The following THSD7A variants were observed in gnomAD, a reference collection of about 807,000 sequenced individuals.
THSD7A encodes the protein thrombospondin type 1 domain containing 7A.
Under a neutral mutation model 231.3 loss-of-function variants are expected in THSD7A, and 96 were observed. The ratio of observed to expected loss-of-function variants is 0.41; its 90% confidence interval spans 0.35 to 0.49. THSD7A has a LOEUF of 0.49. Among genes scored for constraint, THSD7A ranks in the 20% least tolerant of loss-of-function variants. The pLI, the probability that THSD7A is intolerant of heterozygous loss-of-function variation, is 0.05. For synonymous variants in THSD7A, 940 were observed against 743.3 expected, an observed-to-expected ratio of 1.26 and a Z score of -4.30; for missense variants, 2,290 against 2,070.2, an observed-to-expected ratio of 1.11 and a Z score of -2.06.
intron 2 of THSD7A, among the ~76,000 whole-genome samples, chr7:11,599,033 A>G (rs1227887198): frequency 6.6e-6 from 1 of 152,164 alleles, no homozygotes; most frequent in Non-Finnish European, 1.5e-5. Context: ...TCCATAACAG[A>G]GGTAAGGAAA....
At chr7:11,401,626 G>T (rs1453923124) in intron 23 of THSD7A, among the ~76,000 whole-genome samples, 169 bp downstream of exon 23, 2 of 152,090 alleles carry the variant, frequency 1.3e-5, no homozygotes, top group African/African-American at 4.8e-5. Flanking sequence ...GGCCAGGCTG[G>T]TCTCACAACT....
rs545388342 is a variant in THSD7A at position 11,773,106 on chromosome 7, G to A, written c.190+58651C>T. On this transcript the variant is annotated intron_variant, in intron 1 of 27. Transcript: ENST00000423059. ...GTATATAATAAAGGCCCCATCATAT[G>A]TTTGCTTGCAAAGAAAGGATGAATA... Among the ~76,000 whole-genome samples the A allele has an allele frequency of 5.9e-5, 9 of 152,278 alleles. No homozygotes were observed. The East Asian group carries it at 1.7e-3, about 29-fold the overall frequency.
chr7:11,636,151 G>A lies in THSD7A; in HGVS notation c.1001C>T (p.Thr334Met), dbSNP rs372956657. Residue 334 changes from threonine to methionine, a missense_variant, in exon 2 of 28, where the codon ACG becomes ATG. Coordinates refer to ENST00000423059, the MANE Select transcript of THSD7A (RefSeq NM_015204.3). The surrounding 1 kb of genome is among the most constrained non-coding windows in gnomAD (Gnocchi z 10.0). ...QTREVMCINK[T>M]GKAADLSFCQ... ...TTACCTTAAATCAGCAGCTTTCCCC[G>A]TCTTGTTAATGCACATAACCTCTCT... The A allele has an allele frequency of 4.5e-5, 72 of 1,611,498 alleles. No homozygotes were observed. In the African/African-American group the frequency reaches 8.3e-4, roughly 19 times the overall value.
chr7:11,523,140 T>C (rs995319599), intron 6 of THSD7A, among the ~76,000 whole-genome samples: 8 of 152,120 alleles, frequency 5.3e-5, no homozygotes, highest in African/African-American at 1.9e-4. Flanking sequence ...TATATTGCTT[T>C]TGTACTTTGG....
chr7:11,389,869 T>G (rs1026156827), intron 23 of THSD7A, among the ~76,000 whole-genome samples: 1 of 152,230 alleles, frequency 6.6e-6, no homozygotes, highest in Non-Finnish European at 1.5e-5. Flanking sequence ...CTTTCACTTA[T>G]GAAGCTTAGT....
At chr7:11,827,818 T>C (rs540417220) in intron 1 of THSD7A, among the ~76,000 whole-genome samples, 38 of 152,334 alleles carry the variant, frequency 2.5e-4, no homozygotes, top group African/African-American at 8.7e-4. Context: ...CTGAATTAAA[T>C]TGATATTCTT....
At chr7:11,415,966 G>A (rs1583698644) in intron 17 of THSD7A, among the ~76,000 whole-genome samples, 1 of 152,158 alleles carries the variant, frequency 6.6e-6, no homozygotes, top group Non-Finnish European at 1.5e-5. Context: ...CAGTGCTGGA[G>A]TCTCTCTGAA....
intron 1 of THSD7A, among the ~76,000 whole-genome samples, chr7:11,648,272 T>A (rs1192157131): frequency 2.0e-5 from 3 of 152,070 alleles, no homozygotes; most frequent in African/African-American, 7.2e-5. Context: ...GCTGTCCATT[T>A]GCAAGTAGCG....
chr7:11,767,870 G>A (rs867782124), intron 1 of THSD7A, among the ~76,000 whole-genome samples: 16 of 152,272 alleles, frequency 1.1e-4, no homozygotes, highest in African/African-American at 3.4e-4. Flanking sequence ...AAGAGTATCA[G>A]TCAGGGAGAA....
At chr7:11,778,922 T>C (rs1783534496) in intron 1 of THSD7A, among the ~76,000 whole-genome samples, 1 of 152,174 alleles carries the variant, frequency 6.6e-6, no homozygotes, top group Admixed American at 6.5e-5. Flanking sequence ...CACTTTTACA[T>C]ACTTTATCTT....
chr7:11,508,172 G>A (rs1787637119), intron 6 of THSD7A, among the ~76,000 whole-genome samples: 1 of 152,132 alleles, frequency 6.6e-6, no homozygotes, highest in Non-Finnish European at 1.5e-5. Flanking sequence ...CTGGACCCCT[G>A]GAGATTACAA....
At chr7:11,824,413 C>T (rs1784965379) in intron 1 of THSD7A, among the ~76,000 whole-genome samples, 1 of 152,088 alleles carries the variant, frequency 6.6e-6, no homozygotes, top group African/African-American at 2.4e-5. Flanking sequence ...TCACCAATAA[C>T]CTACTCAGAA....
At chr7:11,734,723 A>T (rs1372384187) in intron 1 of THSD7A, among the ~76,000 whole-genome samples, 2 of 151,900 alleles carry the variant, frequency 1.3e-5, no homozygotes, top group East Asian at 1.9e-4. Flanking sequence ...CCTAAAGAAA[A>T]TTTTTTTCCC....
chr7:11,712,101 A>AACT (rs965896587), intron 1 of THSD7A, among the ~76,000 whole-genome samples: 9 of 151,030 alleles, frequency 6.0e-5, no homozygotes, highest in African/African-American at 2.2e-4. Flanking sequence ...AATAGGAAAA[A>AACT]ACTAGACTTC....
chr7:11,742,012 G>A (rs959702135), intron 1 of THSD7A, among the ~76,000 whole-genome samples: 1 of 151,828 alleles, frequency 6.6e-6, no homozygotes, highest in Non-Finnish European at 1.5e-5. Context: ...GGTTACACAA[G>A]GCTTAATTTA....
At chr7:11,651,851 A>AAT (rs1454461309) in intron 1 of THSD7A, among the ~76,000 whole-genome samples, 1 of 151,976 alleles carries the variant, frequency 6.6e-6, no homozygotes, top group African/African-American at 2.4e-5. Flanking sequence ...TACTAGAAAT[A>AAT]ATATATTCTA....
chr7:11,624,037 A>G (rs1040334940), intron 2 of THSD7A, among the ~76,000 whole-genome samples: 3 of 152,174 alleles, frequency 2.0e-5, no homozygotes, highest in Admixed American at 6.5e-5. Flanking sequence ...GCATTTTGCC[A>G]TTTATTTATC....
At chr7:11,757,275 T>C (rs7795628) in intron 1 of THSD7A, among the ~76,000 whole-genome samples, 33,293 of 151,932 alleles carry the variant, frequency 0.22, 5,109 homozygotes, top group African/African-American at 0.44. Flanking sequence ...TGTTTAACCA[T>C]ATTGGTTGGC....
intron 8 of THSD7A, among the ~76,000 whole-genome samples, chr7:11,473,785 T>C (rs1786035123): frequency 6.6e-6 from 1 of 152,114 alleles, no homozygotes; most frequent in African/African-American, 2.4e-5. Context: ...TTTCTACTTA[T>C]AATAACACTC....
Sources: allele counts gnomAD v4.1 joint callset (sites outside exome capture counted in the v4.1 genomes callset), GRCh38; gene constraint gnomAD v4.1.1; non-coding constraint Gnocchi (gnomAD v3.1); transcripts MANE v1.5; gene names NCBI Gene and HGNC (gene_info 2026-07-23, HGNC 2026-07-21).